The following AFF1 variants were observed in gnomAD, a reference collection of about 807,000 sequenced individuals.
AFF1 encodes AF4/FMR2 family member 1.
AFF1 carries 48 observed loss-of-function variants against 121.7 expected under a neutral mutation model. The observed-to-expected ratio is 0.39, with a 90% CI of 0.31 to 0.50. The LOEUF is 0.50. Among genes scored for constraint, AFF1 ranks in the 20% least tolerant of loss-of-function variants. The pLI, the probability that AFF1 is intolerant of heterozygous loss-of-function variation, is 0.76. For synonymous variants in AFF1, 613 were observed against 563.0 expected, an observed-to-expected ratio of 1.09 and a Z score of -1.26; for missense variants, 1,523 against 1,511.7, an observed-to-expected ratio of 1.01 and a Z score of -0.12.
rs1344382644 is a variant in AFF1, at chr4:87,111,012, A to ATTTTATTTTAT, written c.1533+2701_1533+2702insATTTTATTTTT. Among the ~76,000 whole-genome samples the ATTTTATTTTAT allele has an allele frequency of 1.4e-4, 4 of 29,278 alleles. 1 individual carries two copies. Among genetic ancestry groups the ATTTTATTTTAT allele is most frequent in the African/African-American group, 3.6e-4 (4 of 11,232 alleles). 19.2% of individuals were successfully genotyped at this position (29,278 alleles called of 152,430 possible). On this transcript the variant is annotated intron_variant, in intron 11 of 20. Transcript: ENST00000395146. ...ACTTAAACTTTATTTTTTTTTTTTT[A>ATTTTATTTTAT]TTTTTTTTTTTTTGAGACGGAGTCT... is the stretch of plus-strand genomic sequence containing the variant.
rs530871204 is a variant in AFF1 at position 87,042,373 on chromosome 4, C to T, written c.39-3793C>T. 3.3e-5 allele frequency among the ~76,000 whole-genome samples: 5 copies of T among 152,330 alleles called. No homozygotes were observed. The South Asian group carries it at 1.0e-3, about 32-fold the overall frequency. Reference sequence around the variant, plus strand: ...TTAGTTGCAAGGAGAAAGGAGGCAACCCAGAGCAGGGGCTCAAAGCCTACC... The same window carrying T: ...TTAGTTGCAAGGAGAAAGGAGGCAATCCAGAGCAGGGGCTCAAAGCCTACC... On this transcript the variant is annotated intron_variant, in intron 2 of 20. Transcript: ENST00000395146.
chr4:87,011,078 C>CAA (rs10715968), intron 2 of AFF1, among the ~76,000 whole-genome samples: 16 of 70,758 alleles, frequency 2.3e-4, no homozygotes, highest in African/African-American at 2.9e-4. Context: ...GACTCCGTCT[C>CAA]AAAAAAAAAA....
At chr4:87,089,873 T>C in intron 5 of AFF1, 111 bp from the exon 6 acceptor site, 1 of 735,756 alleles carries the variant, frequency 1.4e-6, no homozygotes, top group Non-Finnish European at 2.2e-6. Context: ...CTTTTAAGAT[T>C]GTACTTGCCA....
chr4:87,045,918 A>C (rs982739365), intron 2 of AFF1, among the ~76,000 whole-genome samples: 2 of 152,200 alleles, frequency 1.3e-5, no homozygotes, highest in South Asian at 4.1e-4. Flanking sequence ...GCCATGATGG[A>C]GACCATGGCC....
intron 2 of AFF1, among the ~76,000 whole-genome samples, chr4:86,969,647 G>T (rs1194634735): frequency 7.9e-5 from 12 of 150,986 alleles, no homozygotes; most frequent in African/African-American, 2.9e-4. Flanking sequence ...TAGGGAGGCC[G>T]AGGCAGGCGG....
At chr4:86,978,218 C>T (rs1049214800) in intron 2 of AFF1, among the ~76,000 whole-genome samples, 1 of 56,194 alleles carries the variant, frequency 1.8e-5, no homozygotes, top group African/African-American at 5.3e-5. Flanking sequence ...GAGTCTCGCT[C>T]TGTCAGCTAG....
chr4:87,040,933 T>G (rs1578127563), intron 2 of AFF1, among the ~76,000 whole-genome samples: 1 of 131,242 alleles, frequency 7.6e-6, no homozygotes, highest in South Asian at 2.5e-4. Context: ...TGGAGTGCAG[T>G]GGCATGATCT....
intron 4 of AFF1, among the ~76,000 whole-genome samples, chr4:87,048,278 A>C (rs571593672): frequency 1.2e-3 from 179 of 152,316 alleles, no homozygotes; most frequent in Middle Eastern, 6.8e-3. Context: ...AATGTTATTC[A>C]ATTATGGGTT....
chr4:87,037,096 G>A (rs1729645268), intron 2 of AFF1, among the ~76,000 whole-genome samples: 1 of 152,104 alleles, frequency 6.6e-6, no homozygotes, highest in Admixed American at 6.5e-5. Flanking sequence ...CTTCTAATGA[G>A]AGTTACTGCA....
intron 4 of AFF1, among the ~76,000 whole-genome samples, chr4:87,065,121 GAC>G (rs1474497443): frequency 6.6e-6 from 1 of 152,174 alleles, no homozygotes; most frequent in Non-Finnish European, 1.5e-5. Flanking sequence ...TGCTGATAAA[GAC>G]ATACCTGAGA....
intron 2 of AFF1, among the ~76,000 whole-genome samples, chr4:86,966,364 C>T (rs895093358): frequency 3.9e-5 from 6 of 152,122 alleles, no homozygotes; most frequent in East Asian, 1.9e-4. Flanking sequence ...CACCAAACTT[C>T]CTTTTGTCTT....
intron 1 of AFF1, 139 bp from the exon 2 acceptor site, chr4:86,948,359 C>G: frequency 1.8e-6 from 1 of 561,842 alleles, no homozygotes; most frequent in Non-Finnish European, 3.1e-6. Context: ...GTTCATACAA[C>G]TTGGGAATTG....
intron 2 of AFF1, among the ~76,000 whole-genome samples, chr4:86,991,106 C>T (rs969343356): frequency 6.7e-6 from 1 of 150,150 alleles, no homozygotes; most frequent in Non-Finnish European, 1.5e-5. Context: ...GAGTCGAGAT[C>T]GTGCCATTGC....
intron 2 of AFF1, among the ~76,000 whole-genome samples, chr4:86,976,793 G>C (rs1195699605): frequency 6.6e-6 from 1 of 152,208 alleles, no homozygotes; most frequent in East Asian, 1.9e-4. Context: ...TCTGGAGCCA[G>C]AACTGGGTGC....
In AFF1 at chr4:87,135,869, G is replaced by A; in HGVS notation, c.*168G>A. 2.8e-6 allele frequency: 3 copies of A among 1,082,322 alleles called. No homozygotes were observed. The highest frequency in any genetic ancestry group is 2.5e-6 in the Non-Finnish European group (2 of 802,526). The allele number at this position is 1,082,322 out of a possible 1,614,324, so 67.0% of individuals were successfully genotyped here. The stretch of plus-strand genomic sequence containing the variant: ...ACTCTCAACAACAGTGTGATCATTG[G>A]TTGGACACTGTGGTTATGCAGAAGC... On this transcript the variant is annotated 3_prime_UTR_variant, in exon 21 of 21. Transcript: ENST00000395146.
Position 87,025,091 on chromosome 4 carries a change from A to AC in AFF1, c.39-21073dup, listed in dbSNP as rs544250286. ...GCTCCATAGGCTGCCAGCTCTAGTG[A>AC]CCATCTATTGTGTTTAGTATTGAGT... is the stretch of plus-strand genomic sequence containing the variant. On this transcript the variant is annotated intron_variant, in intron 2 of 20. Coordinates refer to ENST00000395146, the MANE Select transcript of AFF1 (RefSeq NM_001166693.3). Among the ~76,000 whole-genome samples, 25 of 152,236 alleles carry AC rather than the reference A, an allele frequency of 1.6e-4. No individual in the cohort carries two copies. In the East Asian group the frequency reaches 1.7e-3, roughly 11 times the overall value.
At chr4:87,033,429 A>G (rs1215387733) in intron 2 of AFF1, among the ~76,000 whole-genome samples, 2 of 152,214 alleles carry the variant, frequency 1.3e-5, no homozygotes, top group Non-Finnish European at 2.9e-5. Context: ...TTAGAAGTTC[A>G]GTGACTGGGA....
intron 2 of AFF1, among the ~76,000 whole-genome samples, chr4:87,025,306 A>G (rs1390890981): frequency 6.6e-6 from 1 of 152,242 alleles, no homozygotes; most frequent in East Asian, 1.9e-4. Context: ...TAATGTAATT[A>G]TTACAACAGC....
chr4:87,051,034 GC>G (rs1274725542), intron 4 of AFF1, among the ~76,000 whole-genome samples: 4 of 152,198 alleles, frequency 2.6e-5, no homozygotes, highest in African/African-American at 9.6e-5. Flanking sequence ...TGCTAGATAG[GC>G]TTTTTATTGA....
Sources: allele counts gnomAD v4.1 joint callset (sites outside exome capture counted in the v4.1 genomes callset), GRCh38; gene constraint gnomAD v4.1.1; transcripts MANE v1.5; gene names NCBI Gene and HGNC (gene_info 2026-07-23, HGNC 2026-07-21).